SHTN1: variants seen among roughly 807,000 people sequenced by gnomAD.
SHTN1 encodes the protein shootin 1.
Under a neutral mutation model 83.1 loss-of-function variants are expected in SHTN1, and 42 were observed. The ratio of observed to expected loss-of-function variants is 0.51; its 90% CI spans 0.39 to 0.65. The LOEUF (loss-of-function observed/expected upper bound fraction) is 0.65, where lower values mean the gene tolerates loss of function less well. Ranked by LOEUF, SHTN1 falls within the 30% of genes least tolerant of loss-of-function variation. The pLI is 0.00. For synonymous variants in SHTN1, 224 were observed against 247.7 expected (o/e 0.90, Z 0.90); for missense variants, 622 against 737.8 (o/e 0.84, Z 1.82).
chr10:116,919,961 C>T (rs1247116625), intron 12 of SHTN1, among the ~76,000 whole-genome samples: 7 of 152,154 alleles, frequency 4.6e-5, no homozygotes, highest in Admixed American at 6.5e-5. Context: ...ATTCAATATG[C>T]ATGAAAGCAG....
chr10:117,119,973 A>T (rs1853900471), intron 1 of SHTN1, among the ~76,000 whole-genome samples: 1 of 152,188 alleles, frequency 6.6e-6, no homozygotes, highest in African/African-American at 2.4e-5. Flanking sequence ...GAGATCTAAA[A>T]ATCAAAACAA....
chr10:117,096,756 T>C (rs1240587428), intron 1 of SHTN1, among the ~76,000 whole-genome samples: 1 of 152,188 alleles, frequency 6.6e-6, no homozygotes, highest in African/African-American at 2.4e-5. Context: ...GTGGCTTTTG[T>C]GTACAAAGAT....
At chr10:116,960,052 A>C (rs1388306775) in intron 4 of SHTN1, 84 bp downstream of exon 4, 3 of 778,164 alleles carry the variant, frequency 3.9e-6, no homozygotes, top group Non-Finnish European at 6.6e-6. Flanking sequence ...GAAGTAGAAA[A>C]GCAAAACCAG....
chr10:117,028,717 G>A (rs544420968), intron 2 of SHTN1, among the ~76,000 whole-genome samples: 27 of 152,304 alleles, frequency 1.8e-4, no homozygotes, highest in African/African-American at 6.5e-4. Flanking sequence ...TTCCCACGTG[G>A]TGTTAAGCCT....
chr10:117,098,420 GT>G (rs1207683954), intron 1 of SHTN1, among the ~76,000 whole-genome samples: 2 of 133,060 alleles, frequency 1.5e-5, no homozygotes, highest in African/African-American at 5.5e-5. Context: ...AAAAAAAAAA[GT>G]TCCTGAAATT....
chr10:116,930,189 A>T (rs1848906339), intron 9 of SHTN1, among the ~76,000 whole-genome samples, 187 bp from the exon 10 acceptor site: 1 of 152,198 alleles, frequency 6.6e-6, no homozygotes, highest in African/African-American at 2.4e-5. Context: ...TAAAGAGCTG[A>T]TTTAAAATAA....
chr10:116,950,795 T>C lies in SHTN1; in HGVS notation c.534+1114A>G, dbSNP rs1451763531. On this transcript the variant is annotated intron_variant, in intron 6 of 16. Transcript: ENST00000355371. ...TCTTCCTTCTTCCCATTCGTTACAA[T>C]GTTTTGCCACAATAATAAAAGGAGC... is the stretch of plus-strand genomic sequence containing the variant. Among the ~76,000 whole-genome samples, 6 of 152,182 alleles carry C rather than the reference T, an allele frequency of 3.9e-5. No homozygotes were observed. In the East Asian group the frequency reaches 1.2e-3, roughly 29 times the overall value.
intron 9 of SHTN1, 39 bp downstream of exon 9, chr10:116,940,427 G>T (rs201836792): frequency 5.1e-6 from 8 of 1,555,644 alleles, no homozygotes; most frequent in Non-Finnish European, 7.1e-6. Flanking sequence ...ATGCATGTAT[G>T]TGTGTGTGTA....
chr10:116,979,262 C>T lies in SHTN1; in HGVS notation c.105G>A (p.Lys35=), dbSNP rs762626777. The T allele has an allele frequency of 6.2e-7, 1 of 1,613,678 alleles. No homozygotes were observed. Among genetic ancestry groups the T allele is most frequent in the Non-Finnish European group, 8.5e-7 (1 of 1,179,642 alleles). Residue 35 remains lysine (K), a synonymous_variant, in exon 2 of 17, where the codon AAG becomes AAA. Coordinates refer to ENST00000355371, the MANE Select transcript of SHTN1 (RefSeq NM_001127211.3). ...AAAAAGGTAAAGTACAAACCTTCTC[C>T]TTTGTTTTCTGGTTCTCTGCTCTAA... ...EDLRAENQKT[K]EKCDKIRQER...
intron 2 of SHTN1, among the ~76,000 whole-genome samples, chr10:117,013,328 C>T (rs1321659746): frequency 6.6e-6 from 1 of 152,104 alleles, no homozygotes; most frequent in Non-Finnish European, 1.5e-5. Context: ...CACCCGCCAC[C>T]ACGCCCACCT....
intron 16 of SHTN1, among the ~76,000 whole-genome samples, chr10:116,890,967 C>T (rs1847325922): frequency 6.6e-6 from 1 of 152,216 alleles, no homozygotes; most frequent in Admixed American, 6.5e-5. Flanking sequence ...CACGTTCCAA[C>T]TATATTCAAC....
chr10:117,034,881 A>G (rs1225919818), intron 2 of SHTN1, among the ~76,000 whole-genome samples: 1 of 152,188 alleles, frequency 6.6e-6, no homozygotes, highest in African/African-American at 2.4e-5. Context: ...AATAATCAAT[A>G]TTGTTAAAAT....
intron 14 of SHTN1, 119 bp from the exon 15 acceptor site, chr10:116,906,866 G>C (rs1847989562): frequency 5.0e-6 from 4 of 796,344 alleles, no homozygotes; most frequent in African/African-American, 1.8e-5. Context: ...GAAACAAAAT[G>C]AATTTGCTAT....
chr10:117,068,404 C>A (rs1853034360), intron 1 of SHTN1, among the ~76,000 whole-genome samples: 1 of 152,066 alleles, frequency 6.6e-6, no homozygotes, highest in South Asian at 2.1e-4. Flanking sequence ...ACGATCTTTA[C>A]TGGGTCCGCC....
chr10:116,896,749 G>A (rs983438915), intron 16 of SHTN1, among the ~76,000 whole-genome samples: 1 of 150,460 alleles, frequency 6.6e-6, no homozygotes, highest in East Asian at 1.9e-4. Context: ...TCTCCACCCC[G>A]AAATAAACAG....
intron 9 of SHTN1, among the ~76,000 whole-genome samples, chr10:116,937,870 C>CT (rs1448262186): frequency 1.3e-5 from 2 of 151,876 alleles, no homozygotes; most frequent in African/African-American, 4.8e-5. Context: ...CCTTTTCAGT[C>CT]TTTTTTCAGT....
At position 116,921,418 on chromosome 10, in the gene SHTN1, T is replaced by C. The variant is rs757692857; in HGVS notation, c.1195+16A>G. ...GTACACCATCAACCACTTACACCAATAGAAGTGATGCTTACTTGTTTCTGG... is the reference window on the plus strand; with the variant it reads ...GTACACCATCAACCACTTACACCAACAGAAGTGATGCTTACTTGTTTCTGG... On this transcript the variant is annotated intron_variant, in intron 12 of 16. Coordinates refer to ENST00000355371, the MANE Select transcript of SHTN1 (RefSeq NM_001127211.3). 69 of 1,594,194 alleles carry C rather than the reference T, an allele frequency of 4.3e-5. No individual in the cohort carries two copies. The South Asian group carries it at 4.8e-4, about 11-fold the overall frequency.
intron 16 of SHTN1, among the ~76,000 whole-genome samples, chr10:116,888,581 T>C (rs748478895): frequency 4.2e-4 from 64 of 152,296 alleles, no homozygotes; most frequent in African/African-American, 1.2e-3. Flanking sequence ...ATCTTGATGA[T>C]GCAAGACAAT....
chr10:116,898,762 CAAAA>C (rs986571365), intron 16 of SHTN1, among the ~76,000 whole-genome samples: 2 of 151,106 alleles, frequency 1.3e-5, no homozygotes, highest in African/African-American at 2.4e-5. Flanking sequence ...AACAAACAAA[CAAAA>C]AAAACACCCT....
Sources: gnomAD v4.1 joint callset for allele counts (sites outside exome capture counted in the v4.1 genomes callset) on GRCh38, gnomAD v4.1.1 for gene constraint, MANE v1.5 for transcripts, NCBI Gene and HGNC (gene_info 2026-07-23, HGNC 2026-07-21) for gene names.